The following ENTPD1 variants were observed in gnomAD, a reference collection of about 807,000 sequenced individuals.
ENTPD1 encodes the protein ectonucleoside triphosphate diphosphohydrolase 1.
A neutral mutation model predicts 57.0 loss-of-function variants in ENTPD1; 33 were observed. The observed-to-expected ratio is 0.58, with a 90% CI of 0.44 to 0.77. The LOEUF is 0.77. Ranked by LOEUF, ENTPD1 falls within the 30% of genes least tolerant of loss-of-function variation. The probability of loss-of-function intolerance (pLI) is 0.00; values close to 1 mark genes in which losing one functional copy is unlikely to be tolerated. For synonymous variants in ENTPD1, 202 were observed against 218.8 expected (o/e 0.92, Z 0.68); for missense variants, 501 against 603.4 (o/e 0.83, Z 1.78).
At chr10:95,723,879 AGCACAG>A (rs1298680799) in intron 1 of ENTPD1, among the ~76,000 whole-genome samples, 1 of 152,142 alleles carries the variant, frequency 6.6e-6, no homozygotes, top group East Asian at 1.9e-4. Flanking sequence ...GCCCTTTCCC[AGCACAG>A]GCACGGTGGC....
At chr10:95,799,890 T>A (rs549923180) in intron 1 of ENTPD1, among the ~76,000 whole-genome samples, 17 of 152,334 alleles carry the variant, frequency 1.1e-4, no homozygotes, top group African/African-American at 2.9e-4. Flanking sequence ...TCAGTGATGT[T>A]GAGCTTTTTT....
Position 95,876,101 on chromosome 10 carries a change from A to G in ENTPD1, c.*9718A>G. ...TTTGAAACCTGAAATGCAGTCTATT[A>G]TCATACATAACTAAAAATAGAGCCT... On this transcript the variant is annotated 3_prime_UTR_variant, in exon 10 of 10. Coordinates refer to ENST00000371205, the MANE Select transcript of ENTPD1 (RefSeq NM_001776.6). The G allele has an allele frequency of 2.0e-6, 2 of 985,414 alleles. No individual in the cohort carries two copies. Among genetic ancestry groups the G allele is most frequent in the Non-Finnish European group, 2.4e-6 (2 of 829,890 alleles). The allele number at this position is 985,414 out of a possible 1,614,324, so 61.0% of individuals were successfully genotyped here.
intron 1 of ENTPD1, among the ~76,000 whole-genome samples, chr10:95,796,643 A>AT (rs1315028840): frequency 2.6e-5 from 4 of 152,182 alleles, no homozygotes; most frequent in Non-Finnish European, 5.9e-5. Context: ...GAAGAACTTC[A>AT]TACTAGTTAG....
chr10:95,714,325 A>T (rs2139811912), intron 1 of ENTPD1, among the ~76,000 whole-genome samples: 1 of 152,300 alleles, frequency 6.6e-6, no homozygotes, highest in African/African-American at 2.4e-5. Context: ...AAAAAGGAAT[A>T]AAAATAAAAT....
chr10:95,710,185 A>G (rs971498128), upstream of ENTPD1, among the ~76,000 whole-genome samples: 2 of 152,012 alleles, frequency 1.3e-5, no homozygotes, highest in Non-Finnish European at 2.9e-5. Context: ...CGGACAGATC[A>G]CTTGAGGTCA....
At chr10:95,828,263 T>C (rs961009324) in intron 2 of ENTPD1, among the ~76,000 whole-genome samples, 3 of 152,170 alleles carry the variant, frequency 2.0e-5, no homozygotes, top group Non-Finnish European at 2.9e-5. Flanking sequence ...AGGATCGGGA[T>C]TGCGTGCTCC....
chr10:95,874,527 C>T lies in ENTPD1; in HGVS notation c.*8144C>T, dbSNP rs560738760. Among the ~76,000 whole-genome samples the T allele has an allele frequency of 6.6e-6, 1 of 152,308 alleles. No individual in the cohort carries two copies. Among genetic ancestry groups the T allele is most frequent in the African/African-American group, 2.4e-5 (1 of 41,566 alleles). ...GTTGAGTGTCTGTAGCTTTTCCAGG[C>T]ACAAGATGCAAGTTGGTGGTTGATC... On this transcript the variant is annotated 3_prime_UTR_variant, in exon 10 of 10. Transcript: ENST00000371205.
chr10:95,830,216 A>G (rs1000997662), intron 2 of ENTPD1, among the ~76,000 whole-genome samples: 10 of 152,220 alleles, frequency 6.6e-5, no homozygotes, highest in African/African-American at 1.9e-4. Context: ...GACAAAGATT[A>G]TATCATGTGT....
chr10:95,847,422 C>A, intron 6 of ENTPD1, 24 bp from the exon 7 acceptor site: 1 of 1,613,948 alleles, frequency 6.2e-7, no homozygotes, highest in Non-Finnish European at 8.5e-7. Context: ...ACACATGATG[C>A]TTTCAAGTGA....
At chr10:95,705,077 A>G in the ENTPD1 span, among the ~76,000 whole-genome samples, 1 of 152,176 alleles carries the variant, frequency 6.6e-6, no homozygotes, top group Non-Finnish European at 1.5e-5. Context: ...AGACAATAAT[A>G]AGATAGAATT....
chr10:95,854,882 T>G (rs1448055455), intron 7 of ENTPD1, among the ~76,000 whole-genome samples: 1 of 152,208 alleles, frequency 6.6e-6, no homozygotes, highest in Non-Finnish European at 1.5e-5. Context: ...ATAAGTGTGG[T>G]GTGGCGCTGA....
At chr10:95,713,649 A>G (rs1714914065) in intron 1 of ENTPD1, among the ~76,000 whole-genome samples, 1 of 152,164 alleles carries the variant, frequency 6.6e-6, no homozygotes, top group South Asian at 2.1e-4. Flanking sequence ...CTTTAACTCA[A>G]CAGCACAAAC....
In ENTPD1 at chr10:95,801,608, C is replaced by T. The variant is rs544201124; in HGVS notation, c.17-21629C>T. 6.0e-5 allele frequency among the ~76,000 whole-genome samples: 9 copies of T among 151,006 alleles called. No homozygotes were observed. In the East Asian group the frequency reaches 1.7e-3, roughly 29 times the overall value. On this transcript the variant is annotated intron_variant, in intron 1 of 9. Transcript: ENST00000371205. ...TGAGGCAGAGATTTGCTTTTGTTGCCCAGGCTGGAGTGCAATGGCGTGATC... is the reference window on the plus strand; with the variant it reads ...TGAGGCAGAGATTTGCTTTTGTTGCTCAGGCTGGAGTGCAATGGCGTGATC...
chr10:95,851,084 T>C (rs1260600996), intron 7 of ENTPD1, among the ~76,000 whole-genome samples: 2 of 152,216 alleles, frequency 1.3e-5, no homozygotes, highest in African/African-American at 4.8e-5. Flanking sequence ...TGTAGGGAAT[T>C]ACTTATGAGG....
At chr10:95,739,019 A>G (rs151233891) in intron 1 of ENTPD1, among the ~76,000 whole-genome samples, 377 of 152,324 alleles carry the variant, frequency 2.5e-3, no homozygotes, top group Admixed American at 5.4e-3. Flanking sequence ...ACATTATATT[A>G]TACATTATAT....
chr10:95,756,161 T>A, upstream of ENTPD1: 2 of 1,559,238 alleles, frequency 1.3e-6, no homozygotes, highest in South Asian at 1.2e-5. Context: ...AGGACCTCTC[T>A]CACGGAGACG....
chr10:95,870,881 T>C lies in ENTPD1; in HGVS notation c.*4498T>C. ...TTGCTGCAGTAAACATTGATTTTCA[T>C]GTTTGTGAGTCTGCAAGCCAGCTGG... On this transcript the variant is annotated 3_prime_UTR_variant, in exon 10 of 10. Coordinates refer to ENST00000371205, the MANE Select transcript of ENTPD1 (RefSeq NM_001776.6). The C allele has an allele frequency of 1.0e-6, 1 of 985,478 alleles. No individual in the cohort carries two copies. The highest frequency in any genetic ancestry group is 1.2e-6 in the Non-Finnish European group (1 of 829,940). The allele number at this position is 985,478 out of a possible 1,614,324, so 61.0% of individuals were successfully genotyped here.
chr10:95,736,854 A>G (rs2097995198), intron 1 of ENTPD1, among the ~76,000 whole-genome samples: 1 of 152,208 alleles, frequency 6.6e-6, no homozygotes, highest in African/African-American at 2.4e-5. Flanking sequence ...CCTCATCAGT[A>G]TAATTTAGTC....
chr10:95,840,797 A>C (rs750732441), intron 3 of ENTPD1, among the ~76,000 whole-genome samples: 1 of 152,126 alleles, frequency 6.6e-6, no homozygotes, highest in Non-Finnish European at 1.5e-5. Context: ...TCTGACTTTT[A>C]TCTCTCTTAG....
Sources: allele counts gnomAD v4.1 joint callset (sites outside exome capture counted in the v4.1 genomes callset), GRCh38; gene constraint gnomAD v4.1.1; transcripts MANE v1.5; gene names NCBI Gene and HGNC (gene_info 2026-07-23, HGNC 2026-07-21).